The following DPYSL3 variants were observed in gnomAD, a reference collection of about 807,000 sequenced individuals.
DPYSL3 encodes the protein dihydropyrimidinase like 3.
In DPYSL3, 16 loss-of-function variants were observed where a neutral mutation model predicts 66.1. The observed-to-expected ratio is 0.24, with a 90% CI of 0.16 to 0.37. DPYSL3 has a LOEUF of 0.37. Among genes scored for constraint, DPYSL3 ranks in the 10% least tolerant of loss-of-function variants. The pLI is 1.00. For synonymous variants in DPYSL3, 338 were observed against 345.1 expected, an observed-to-expected ratio of 0.98 and a Z score of 0.23; for missense variants, 738 against 916.2, an observed-to-expected ratio of 0.81 and a Z score of 2.51.
intron 1 of DPYSL3, among the ~76,000 whole-genome samples, chr5:147,483,009 C>T (rs577501899): frequency 2.0e-3 from 306 of 152,308 alleles, no homozygotes; most frequent in Non-Finnish European, 3.4e-3. Flanking sequence ...ACTGCTCCCA[C>T]GATCCAATCG....
At position 147,408,719 on chromosome 5, in the gene DPYSL3, G is replaced by A; in HGVS notation, c.1032+9C>T. The A allele has an allele frequency of 6.2e-7, 1 of 1,613,910 alleles. No individual in the cohort carries two copies. Among genetic ancestry groups the A allele is most frequent in the Non-Finnish European group, 8.5e-7 (1 of 1,179,812 alleles). On this transcript the variant is annotated intron_variant, in intron 7 of 13. Transcript: ENST00000343218. ...CGTTGTGTGTGCACCTTCATCCCCT[G>A]TAACTTACCTCTTCTGGCCTGCTCA...
intron 1 of DPYSL3, among the ~76,000 whole-genome samples, chr5:147,485,107 G>A (rs754789049): frequency 1.3e-5 from 2 of 152,076 alleles, no homozygotes; most frequent in African/African-American, 2.4e-5. Flanking sequence ...GCTTTTATTC[G>A]ATTGCAAAAG....
intron 1 of DPYSL3, among the ~76,000 whole-genome samples, chr5:147,481,592 T>G (rs1333361434): frequency 6.6e-6 from 1 of 152,220 alleles, no homozygotes; most frequent in African/African-American, 2.4e-5. Flanking sequence ...AAGTATGTAT[T>G]GCAAACGTAA....
At chr5:147,480,414 G>A (rs909256145) in intron 1 of DPYSL3, among the ~76,000 whole-genome samples, 14 of 151,986 alleles carry the variant, frequency 9.2e-5, no homozygotes, top group African/African-American at 2.2e-4. Flanking sequence ...GTCTCTTTTC[G>A]CTCTTTCAAC....
At chr5:147,397,255 T>C (rs921202895) in intron 12 of DPYSL3, among the ~76,000 whole-genome samples, 12 of 151,662 alleles carry the variant, frequency 7.9e-5, no homozygotes, top group Admixed American at 7.9e-4. Flanking sequence ...GAAAATACAG[T>C]AGCTAAAATG....
chr5:147,457,949 T>A (rs999973291), intron 1 of DPYSL3, among the ~76,000 whole-genome samples: 6 of 152,224 alleles, frequency 3.9e-5, no homozygotes, highest in African/African-American at 1.4e-4. Context: ...CATCTATTTT[T>A]TCTGCCATCA....
At chr5:147,436,526 A>G (rs1244960327) in intron 1 of DPYSL3, among the ~76,000 whole-genome samples, 2 of 152,222 alleles carry the variant, frequency 1.3e-5, no homozygotes, top group Non-Finnish European at 2.9e-5. Flanking sequence ...GAAGGAAAGG[A>G]TGCAGAGAGA....
chr5:147,437,777 G>A (rs1752439983), intron 1 of DPYSL3, among the ~76,000 whole-genome samples: 1 of 152,180 alleles, frequency 6.6e-6, no homozygotes, highest in South Asian at 2.1e-4. Context: ...ATGGAATGGT[G>A]GGAAAGAGAA....
At position 147,415,632 on chromosome 5, in the gene DPYSL3, T is replaced by G. The variant is rs59261515; in HGVS notation, c.820+77A>C. ...CAGGCTCCAAGTAAAAGACAGTGACTGAAATGAGTGGATGGTGTTGGAAGG... is the reference window on the plus strand; with the variant it reads ...CAGGCTCCAAGTAAAAGACAGTGACGGAAATGAGTGGATGGTGTTGGAAGG... On this transcript the variant is annotated intron_variant, in intron 4 of 13. Transcript: ENST00000343218. 7 of 1,537,912 alleles carry G rather than the reference T, an allele frequency of 4.6e-6. No homozygotes were observed. In the African/African-American group the frequency reaches 8.2e-5, roughly 18 times the overall value.
At chr5:147,499,717 A>G (rs986197797) in intron 1 of DPYSL3, among the ~76,000 whole-genome samples, 2 of 152,194 alleles carry the variant, frequency 1.3e-5, no homozygotes, top group Non-Finnish European at 2.9e-5. Context: ...TCTAAACGTC[A>G]TATGGAAAGG....
At chr5:147,465,522 G>T (rs1318947135) in intron 1 of DPYSL3, among the ~76,000 whole-genome samples, 1 of 152,064 alleles carries the variant, frequency 6.6e-6, no homozygotes, top group African/African-American at 2.4e-5. Flanking sequence ...GTGGTCTCAA[G>T]CCCCTGACCT....
At chr5:147,442,096 CT>C (rs1472160689) in intron 1 of DPYSL3, among the ~76,000 whole-genome samples, 1 of 152,224 alleles carries the variant, frequency 6.6e-6, no homozygotes, top group African/African-American at 2.4e-5. Flanking sequence ...CACAGATTCG[CT>C]TTGCGGGAAA....
intron 1 of DPYSL3, 96 bp from the exon 2 acceptor site, chr5:147,425,059 A>G: frequency 1.1e-6 from 1 of 878,982 alleles, no homozygotes; most frequent in South Asian, 1.7e-5. Flanking sequence ...CTAGATGTCT[A>G]GTAGAAACAC....
At chr5:147,499,781 A>T (rs1479348021) in intron 1 of DPYSL3, among the ~76,000 whole-genome samples, 1 of 152,200 alleles carries the variant, frequency 6.6e-6, no homozygotes, top group Non-Finnish European at 1.5e-5. Flanking sequence ...CAGAGGACTG[A>T]CAGTACCAAC....
intron 9 of DPYSL3, 149 bp downstream of exon 9, chr5:147,401,391 G>C: frequency 1.1e-6 from 1 of 885,416 alleles, no homozygotes; most frequent in Non-Finnish European, 1.6e-6. Context: ...TGCTTTCTAC[G>C]CTCAAGACTG....
Position 147,397,818 on chromosome 5 carries a change from T to C in DPYSL3, c.1651A>G (p.Met551Val). 1 of 1,613,252 alleles carries C rather than the reference T, an allele frequency of 6.2e-7. No homozygotes were observed. Among genetic ancestry groups the C allele is most frequent in the Non-Finnish European group, 8.5e-7 (1 of 1,179,700 alleles). ...ACCAGAGGAGCCCCGCGCAGCTCCA[T>C]CCCTTCAAAGATGTTGTACTCTGCC... ...SAAEYNIFEG[M>V]ELRGAPLVVI... Residue 551 changes from methionine to valine, a missense_variant, in exon 12 of 14, where the codon ATG becomes GTG. Physicochemically the swap from Met to Val is conservative, Grantham distance 21. Coordinates refer to ENST00000343218, the MANE Select transcript of DPYSL3 (RefSeq NM_001197294.2).
chr5:147,415,725 G>A lies in DPYSL3; in HGVS notation c.804C>T (p.Asn268=), dbSNP rs1220006391. 3 of 1,613,992 alleles carry A rather than the reference G, an allele frequency of 1.9e-6. No homozygotes were observed. The highest frequency in any genetic ancestry group is 2.2e-5 in the South Asian group (2 of 91,076). ...CGGGCTCACCTTTGTCCTTGATGAG[G>A]TTCTGCACTTCCTGCTTGACGCTGT... The part of the protein sequence containing the change: ...WNDSVKQEVQ[N]LIKDKGVNSF... Residue 268 remains asparagine (N), a synonymous_variant, in exon 4 of 14, where the codon AAC becomes AAT. Transcript: ENST00000343218.
At chr5:147,459,442 T>C (rs1752900627) in intron 1 of DPYSL3, among the ~76,000 whole-genome samples, 1 of 152,152 alleles carries the variant, frequency 6.6e-6, no homozygotes, top group Admixed American at 6.5e-5. Flanking sequence ...TTGGGTCCAT[T>C]AATTTTTACC....
chr5:147,410,993 G>A (rs902505778), intron 6 of DPYSL3, among the ~76,000 whole-genome samples: 2 of 152,142 alleles, frequency 1.3e-5, no homozygotes, highest in African/African-American at 2.4e-5. Flanking sequence ...AACTGAGAAC[G>A]CAGACTTTGG....
Sources: allele counts gnomAD v4.1 joint callset (sites outside exome capture counted in the v4.1 genomes callset), GRCh38; gene constraint gnomAD v4.1.1; transcripts MANE v1.5; gene names NCBI Gene and HGNC (gene_info 2026-07-23, HGNC 2026-07-21).